ASIC2: variants seen among roughly 807,000 people sequenced by gnomAD.
The protein encoded by ASIC2 is acid sensing ion channel subunit 2, also known as acid-sensing ion channel 2.
In ASIC2, 25 loss-of-function variants were observed where a neutral mutation model predicts 57.3. The ratio of observed to expected loss-of-function variants is 0.44; its 90% CI spans 0.32 to 0.61. The LOEUF (loss-of-function observed/expected upper bound fraction) is 0.61, where lower values mean the gene tolerates loss of function less well. ASIC2 is among the 20% of genes least tolerant of loss of function. ASIC2 has a pLI of 0.06. For synonymous variants in ASIC2, 319 were observed against 307.5 expected (o/e 1.04, Z -0.39); for missense variants, 641 against 738.1 (o/e 0.87, Z 1.52).
intron 1 of ASIC2, among the ~76,000 whole-genome samples, chr17:33,489,315 A>G (rs927772018): frequency 6.6e-6 from 1 of 152,214 alleles, no homozygotes; most frequent in African/African-American, 2.4e-5. Context: ...GGTGGGTATT[A>G]TTAGCCCCAT....
chr17:33,301,000 C>A (rs1245676480), intron 1 of ASIC2, among the ~76,000 whole-genome samples: 1 of 134,072 alleles, frequency 7.5e-6, no homozygotes, highest in Non-Finnish European at 1.6e-5. Context: ...TTAACTCATT[C>A]TTTTTATTCA....
chr17:34,077,611 A>G (rs908512971), intron 1 of ASIC2, among the ~76,000 whole-genome samples: 4 of 151,982 alleles, frequency 2.6e-5, no homozygotes, highest in Non-Finnish European at 5.9e-5. Context: ...TAGGGGAAGG[A>G]TTTTTTTCCT....
At chr17:34,117,233 C>T (rs1382770844) in intron 1 of ASIC2, among the ~76,000 whole-genome samples, 6 of 152,078 alleles carry the variant, frequency 3.9e-5, no homozygotes, top group Non-Finnish European at 2.9e-5. Context: ...TGAATAAGGT[C>T]TTATCTCTGG....
chr17:33,267,005 C>T (rs1312013514), intron 1 of ASIC2, among the ~76,000 whole-genome samples: 1 of 152,178 alleles, frequency 6.6e-6, no homozygotes, highest in African/African-American at 2.4e-5. Context: ...TTCACTGACT[C>T]TCAAAATTAA....
chr17:33,775,395 A>T (rs1911237743), intron 1 of ASIC2, among the ~76,000 whole-genome samples: 1 of 152,218 alleles, frequency 6.6e-6, no homozygotes, highest in Non-Finnish European at 1.5e-5. Context: ...CTCTGGGAGT[A>T]TGAGTGGTAA....
intron 1 of ASIC2, among the ~76,000 whole-genome samples, chr17:34,052,591 A>C (rs955556293): frequency 6.7e-6 from 1 of 150,148 alleles, no homozygotes; most frequent in Non-Finnish European, 1.5e-5. Flanking sequence ...CCTCATCCCT[A>C]GTAAATAACC....
At chr17:33,641,723 T>C (rs1054512865) in intron 1 of ASIC2, among the ~76,000 whole-genome samples, 2 of 152,078 alleles carry the variant, frequency 1.3e-5, no homozygotes, top group Non-Finnish European at 2.9e-5. Flanking sequence ...CTCACCTCCT[T>C]CTGGTTGCAC....
chr17:33,732,423 T>C (rs1909769702), intron 1 of ASIC2, among the ~76,000 whole-genome samples: 1 of 152,154 alleles, frequency 6.6e-6, no homozygotes, highest in South Asian at 2.1e-4. Context: ...CTTCTCTTTA[T>C]GTATTGATAG....
chr17:33,235,154 G>A (rs1351179319), intron 1 of ASIC2, among the ~76,000 whole-genome samples: 1 of 152,232 alleles, frequency 6.6e-6, no homozygotes. Context: ...CACAGCCAGA[G>A]ATGCAGGCAG....
intron 1 of ASIC2, among the ~76,000 whole-genome samples, chr17:33,579,283 T>C (rs1444294565): frequency 2.4e-5 from 2 of 82,684 alleles, no homozygotes; most frequent in African/African-American, 1.9e-4. Context: ...TGAAACTGTG[T>C]CTCAAAAAAA....
intron 1 of ASIC2, among the ~76,000 whole-genome samples, chr17:33,543,989 C>T (rs940375783): frequency 5.9e-5 from 9 of 152,236 alleles, no homozygotes; most frequent in Non-Finnish European, 1.2e-4. Context: ...GAGAACCTTT[C>T]CCTAACCCAG....
At chr17:33,016,758 G>A (rs996705107) in intron 8 of ASIC2, among the ~76,000 whole-genome samples, 3 of 151,892 alleles carry the variant, frequency 2.0e-5, no homozygotes, top group Non-Finnish European at 1.5e-5. Context: ...GCAGGCTCCC[G>A]TCTACTGCTC....
At chr17:33,502,919 G>A (rs1914142798) in intron 1 of ASIC2, among the ~76,000 whole-genome samples, 1 of 152,082 alleles carries the variant, frequency 6.6e-6, no homozygotes, top group Non-Finnish European at 1.5e-5. Context: ...AATTATAAAA[G>A]AGAAAAATTT....
intron 1 of ASIC2, among the ~76,000 whole-genome samples, chr17:34,125,585 G>C (rs993617453): frequency 2.6e-5 from 4 of 152,124 alleles, no homozygotes; most frequent in Non-Finnish European, 5.9e-5. Flanking sequence ...ACTGTCCCAT[G>C]GGATCTCTGT....
intron 1 of ASIC2, chr17:33,529,849 A>G (rs1914995418): frequency 6.6e-6 from 1 of 152,158 alleles, no homozygotes; most frequent in Non-Finnish European, 1.5e-5. Context: ...AATGTGGGCT[A>G]TTCTTATTTC....
At chr17:34,014,441 T>C (rs756264134) in intron 1 of ASIC2, among the ~76,000 whole-genome samples, 1 of 152,154 alleles carries the variant, frequency 6.6e-6, no homozygotes, top group Non-Finnish European at 1.5e-5. Context: ...GCTCGAGACA[T>C]TGGCTATGCT....
At chr17:33,447,543 G>A (rs1294034963) in intron 1 of ASIC2, among the ~76,000 whole-genome samples, 3 of 152,180 alleles carry the variant, frequency 2.0e-5, no homozygotes, top group Non-Finnish European at 4.4e-5. Flanking sequence ...GCTTAGCAAG[G>A]GAGAGGAAAG....
At chr17:33,021,420 G>A (rs2091835116) in intron 6 of ASIC2, 110 bp from the exon 7 acceptor site, 1 of 906,898 alleles carries the variant, frequency 1.1e-6, no homozygotes, top group Non-Finnish European at 1.6e-6. Context: ...CCCAGGAAGT[G>A]AGGCAGCTTG....
In ASIC2 at chr17:33,342,146, T is replaced by A. The variant is rs757095452; in HGVS notation, c.556-230079A>T. ...TATTAGTAGAAGATGGCCTTAAACC[T>A]CTCTGGGAGCCTCAACAATACCACT... On this transcript the variant is annotated intron_variant, in intron 1 of 9. Coordinates refer to the ASIC2 transcript ENST00000359872. Among the ~76,000 whole-genome samples the A allele has an allele frequency of 5.1e-4, 78 of 152,150 alleles. 1 individual carries two copies. The highest frequency in any genetic ancestry group is 9.3e-4 in the Non-Finnish European group (63 of 68,016).
Sources: allele counts gnomAD v4.1 joint callset (sites outside exome capture counted in the v4.1 genomes callset), GRCh38; gene constraint gnomAD v4.1.1; transcripts MANE v1.5; gene names NCBI Gene and HGNC (gene_info 2026-07-23, HGNC 2026-07-21).